The following PTK2B variants were observed in gnomAD, a reference collection of about 807,000 sequenced individuals.
PTK2B encodes the protein protein-tyrosine kinase 2-beta.
A neutral mutation model predicts 142.9 loss-of-function variants in PTK2B; 71 were observed. The ratio of observed to expected loss-of-function variants is 0.50; its 90% CI spans 0.41 to 0.61. The LOEUF (loss-of-function observed/expected upper bound fraction) is 0.61. PTK2B is among the 20% of genes least tolerant of loss of function. The pLI is 0.00. For missense variants in PTK2B, 1,105 were observed against 1,320.4 expected, an observed-to-expected ratio of 0.84 and a Z score of 2.53; for synonymous variants, 519 against 503.4, an observed-to-expected ratio of 1.03 and a Z score of -0.42.
intron 2 of PTK2B, among the ~76,000 whole-genome samples, chr8:27,413,051 AC>A (rs1400350943): frequency 1.3e-5 from 2 of 150,084 alleles, no homozygotes; most frequent in Admixed American, 1.3e-4. Flanking sequence ...AAAAAAAAAA[AC>A]AAGGCTAAGG....
At chr8:27,311,112 G>A (rs1456742556), upstream of PTK2B, 1 of 1,599,834 alleles carries the variant, frequency 6.3e-7, no homozygotes, top group Non-Finnish European at 8.5e-7. Context: ...ACGCACCCGC[G>A]GCAGAAGTTG....
At chr8:27,349,769 A>AAAATG (rs1173235108) in intron 1 of PTK2B, among the ~76,000 whole-genome samples, 3 of 152,376 alleles carry the variant, frequency 2.0e-5, no homozygotes, top group African/African-American at 7.2e-5. Flanking sequence ...TTGCACCTGT[A>AAAATG]AAATGAAATG....
chr8:27,328,977 G>A (rs556306771), intron 1 of PTK2B, among the ~76,000 whole-genome samples: 1 of 149,528 alleles, frequency 6.7e-6, no homozygotes, highest in Admixed American at 6.7e-5. Flanking sequence ...TCACTCTGTT[G>A]CCCAGGCTGG....
At chr8:27,330,148 C>T (rs1385204998) in intron 1 of PTK2B, among the ~76,000 whole-genome samples, 2 of 152,076 alleles carry the variant, frequency 1.3e-5, no homozygotes, top group African/African-American at 2.4e-5. Flanking sequence ...AACCCAGATG[C>T]ACCCGCTTAA....
chr8:27,451,146 C>A, intron 26 of PTK2B, 68 bp downstream of exon 26: 1 of 1,542,382 alleles, frequency 6.5e-7, no homozygotes, highest in Non-Finnish European at 8.9e-7. Context: ...CCATAGGACC[C>A]CCCGCCCAAC....
intron 1 of PTK2B, among the ~76,000 whole-genome samples, chr8:27,330,591 T>A (rs1382467232): frequency 6.6e-6 from 1 of 152,086 alleles, no homozygotes; most frequent in East Asian, 1.9e-4. Context: ...TTTCTGGGCC[T>A]CCTAACTCTG....
intron 3 of PTK2B, among the ~76,000 whole-genome samples, chr8:27,319,583 G>C (rs1275221742): frequency 6.9e-6 from 1 of 144,354 alleles, no homozygotes; most frequent in Non-Finnish European, 1.5e-5. Flanking sequence ...GGTAGAGCTT[G>C]CAGTAAGCCA....
intron 3 of PTK2B, among the ~76,000 whole-genome samples, chr8:27,314,170 A>G (rs1803043215): frequency 6.6e-6 from 1 of 152,234 alleles, no homozygotes; most frequent in African/African-American, 2.4e-5. Flanking sequence ...TTGTTCAATC[A>G]TATTTCTACA....
intron 1 of PTK2B, among the ~76,000 whole-genome samples, chr8:27,333,330 G>A (rs1803871454): frequency 6.6e-6 from 1 of 152,208 alleles, no homozygotes; most frequent in Non-Finnish European, 1.5e-5. Flanking sequence ...GACAGCCATG[G>A]GGCTTTATTC....
intron 21 of PTK2B, 99 bp from the exon 22 acceptor site, chr8:27,442,776 C>T: frequency 2.9e-6 from 3 of 1,018,686 alleles, no homozygotes; most frequent in Non-Finnish European, 3.0e-6. Context: ...AGCAACCTTG[C>T]CCAGGCCTCT....
chr8:27,433,923 G>A (rs1359057735), intron 11 of PTK2B, among the ~76,000 whole-genome samples, 170 bp from the exon 12 acceptor site: 1 of 152,224 alleles, frequency 6.6e-6, no homozygotes, highest in Non-Finnish European at 1.5e-5. Context: ...CAGCCTCCAA[G>A]GAGGATTCCA....
intron 30 of PTK2B, among the ~76,000 whole-genome samples, chr8:27,456,372 G>T (rs1447403688): frequency 6.6e-6 from 1 of 152,106 alleles, no homozygotes; most frequent in African/African-American, 2.4e-5. Context: ...GATTATAACG[G>T]CTATGGTTGG....
Position 27,421,334 on chromosome 8 carries a change from G to T in PTK2B, c.471+590G>T, listed in dbSNP as rs181828903. ...TTTATTTATTTATTTATTTCAATGG[G>T]TTTTTTGGGGGAACAGGTGGTGTTG... On this transcript the variant is annotated intron_variant, in intron 4 of 30. Coordinates refer to ENST00000346049, the MANE Select transcript of PTK2B (RefSeq NM_173176.3). Among the ~76,000 whole-genome samples the T allele has an allele frequency of 4.2e-3, 623 of 149,146 alleles. 9 individuals are homozygous for T. Among genetic ancestry groups the T allele is most frequent in the African/African-American group, 0.015 (595 of 40,536 alleles).
chr8:27,317,023 A>G (rs1803109444), intron 3 of PTK2B, among the ~76,000 whole-genome samples: 1 of 152,204 alleles, frequency 6.6e-6, no homozygotes, highest in Non-Finnish European at 1.5e-5. Flanking sequence ...GTGACTTTAG[A>G]TTCATCCTCT....
rs566058195 is a variant in PTK2B at position 27,373,341 on chromosome 8, C to G, written c.-37-24207C>G. ...AACAAGCTGCTGTCTAAAGTGTTCT[C>G]CCTGACCAGAGTCTTCACATAGTTC... On this transcript the variant is annotated intron_variant, in intron 1 of 30. Coordinates refer to ENST00000346049, the MANE Select transcript of PTK2B (RefSeq NM_173176.3). Among the ~76,000 whole-genome samples, 9 of 152,320 alleles carry G rather than the reference C, an allele frequency of 5.9e-5. No homozygotes were observed. The South Asian group carries it at 1.0e-3, about 18-fold the overall frequency.
rs563473706 is a variant in PTK2B at position 27,436,354 on chromosome 8, T to C, written c.1341+6T>C. The C allele has an allele frequency of 6.2e-7, 1 of 1,600,136 alleles. No individual in the cohort carries two copies. The highest frequency in any genetic ancestry group is 1.1e-5 in the South Asian group (1 of 90,760). On this transcript the variant is annotated splice_donor_region_variant and intron_variant, in intron 15 of 30. Coordinates refer to ENST00000346049, the MANE Select transcript of PTK2B (RefSeq NM_173176.3). ...AAGGTGTCTACACAAATCACGTGAGTTCTAGGATCTTCCCTTACACTCCTC... is the reference window on the plus strand; with the variant it reads ...AAGGTGTCTACACAAATCACGTGAGCTCTAGGATCTTCCCTTACACTCCTC...
rs773081880 is a variant in PTK2B at position 27,451,446 on chromosome 8, C to T, written c.2524-39C>T. 4.3e-6 allele frequency: 7 copies of T among 1,612,920 alleles called. No homozygotes were observed. In the African/African-American group the frequency reaches 9.3e-5, roughly 22 times the overall value. Reference sequence around the variant, plus strand: ...AGGGAGGGGGTTGTCTCCACAGCCGCATGAGTGACGTTCCTGTTCTCTTTC... The same window carrying T: ...AGGGAGGGGGTTGTCTCCACAGCCGTATGAGTGACGTTCCTGTTCTCTTTC... On this transcript the variant is annotated intron_variant, in intron 26 of 30. Coordinates refer to ENST00000346049, the MANE Select transcript of PTK2B (RefSeq NM_173176.3).
intron 1 of PTK2B, among the ~76,000 whole-genome samples, chr8:27,395,363 C>T (rs1423637283): frequency 1.3e-5 from 2 of 152,188 alleles, no homozygotes; most frequent in African/African-American, 2.4e-5. Flanking sequence ...ATCTTATATG[C>T]GGTCCACCAT....
At chr8:27,455,529 A>G (rs1420314661) in intron 30 of PTK2B, among the ~76,000 whole-genome samples, 2 of 152,210 alleles carry the variant, frequency 1.3e-5, no homozygotes, top group Non-Finnish European at 2.9e-5. Flanking sequence ...AGCCTGGGTA[A>G]CAGCAACACC....
Sources: gnomAD v4.1 joint callset for allele counts (sites outside exome capture counted in the v4.1 genomes callset) on GRCh38, gnomAD v4.1.1 for gene constraint, MANE v1.5 for transcripts, NCBI Gene and HGNC (gene_info 2026-07-23, HGNC 2026-07-21) for gene names.